Variants in CHST6 observed in about 807,000 individuals in gnomAD.
CHST6 encodes N-acetylglucosamine 6-O-sulfotransferase 5.
For missense variants in CHST6, 698 were observed against 586.2 expected, an observed-to-expected ratio of 1.19 and a Z score of -1.97; for synonymous variants, 309 against 276.4, an observed-to-expected ratio of 1.12 and a Z score of -1.17.
rs374617902 is a variant in CHST6 at position 75,483,462 on chromosome 16, C to T, written c.-91-1571G>A. 8.5e-5 allele frequency among the ~76,000 whole-genome samples: 13 copies of T among 152,316 alleles called. No individual in the cohort carries two copies. The East Asian group carries it at 2.1e-3, about 25-fold the overall frequency. ...CTAGGAAGGTGGTTGAATCATCCTACGCCACAGAGTCTCCAGAAGACCAGT... is the reference window on the plus strand; with the variant it reads ...CTAGGAAGGTGGTTGAATCATCCTATGCCACAGAGTCTCCAGAAGACCAGT... On this transcript the variant is annotated intron_variant, in intron 1 of 2. Coordinates refer to ENST00000332272, the MANE Select transcript of CHST6 (RefSeq NM_021615.5).
intron 1 of CHST6, among the ~76,000 whole-genome samples, chr16:75,492,367 G>C (rs1260590546): frequency 1.3e-5 from 2 of 152,222 alleles, no homozygotes; most frequent in Non-Finnish European, 2.9e-5. Context: ...ACACACACAG[G>C]GTACGGAGTG....
At chr16:75,480,350 G>C (rs1338940594) in intron 2 of CHST6, among the ~76,000 whole-genome samples, 1 of 152,074 alleles carries the variant, frequency 6.6e-6, no homozygotes, top group African/African-American at 2.4e-5. Context: ...ACACTACACT[G>C]ACATACATAG....
At chr16:75,490,873 A>G (rs2080245393) in intron 1 of CHST6, 1 of 152,168 alleles carries the variant, frequency 6.6e-6, no homozygotes, top group Non-Finnish European at 1.5e-5. Context: ...TCAGCTGATG[A>G]ATAGATAAAC....
rs769455712 is a variant in CHST6 at position 75,479,257 on chromosome 16, G to A, written c.572C>T (p.Pro191Leu). Residue 191 changes from proline (P) to leucine (L), a missense_variant, in exon 3 of 3, where the codon CCC becomes CTC. By Grantham distance (98) the Pro-to-Leu change is moderately conservative (BLOSUM62 -3). Transcript: ENST00000332272. Reference sequence around the variant, plus strand: ...GTGCACGATGCGTAGGTTGAGCGCGGGGTCGCTGAGCAGCGGGTAGAGCAC... The same window carrying A: ...GTGCACGATGCGTAGGTTGAGCGCGAGGTCGCTGAGCAGCGGGTAGAGCAC... ...LQVLYPLLSD[P>L]ALNLRIVHLV... 1.1e-5 allele frequency: 18 copies of A among 1,612,434 alleles called. No homozygotes were observed. Among genetic ancestry groups the A allele is most frequent in the Non-Finnish European group, 1.5e-5 (18 of 1,179,774 alleles).
Position 75,475,304 on chromosome 16 carries a change from A to G in CHST6, c.*3337T>C, listed in dbSNP as rs899481463. 1.3e-5 allele frequency: 2 copies of G among 152,274 alleles called. No homozygotes were observed. The highest frequency in any genetic ancestry group is 2.9e-5 in the Non-Finnish European group (2 of 68,066). The allele number at this position is 152,274 out of a possible 1,614,324, so 9.4% of individuals were successfully genotyped here. On this transcript the variant is annotated 3_prime_UTR_variant, in exon 3 of 3. Coordinates refer to ENST00000332272, the MANE Select transcript of CHST6 (RefSeq NM_021615.5). ...CTATGCTTCAAACTGGCTCACAGGA[A>G]GTTGCACTACACTTGTCTACAGGAC...
intron 1 of CHST6, chr16:75,490,473 C>T (rs9931667): frequency 0.22 from 33,001 of 151,742 alleles, 3,820 homozygotes; most frequent in Middle Eastern, 0.32. Context: ...AGTGAAACTC[C>T]GTCTCAAAAA....
chr16:75,484,777 GA>G (rs1257847223), intron 1 of CHST6, among the ~76,000 whole-genome samples: 7 of 152,112 alleles, frequency 4.6e-5, no homozygotes, highest in African/African-American at 1.4e-4. Flanking sequence ...CCGGGAGATG[GA>G]GGTTGCAGTG....
intron 1 of CHST6, among the ~76,000 whole-genome samples, chr16:75,490,960 T>C (rs1323276905): frequency 6.6e-6 from 1 of 151,872 alleles, no homozygotes; most frequent in Non-Finnish European, 1.5e-5. Flanking sequence ...CAAAGTTCAA[T>C]GTGAAAACAC....
rs769668563 is a variant in CHST6, at chr16:75,476,191, G to A, written c.*2450C>T. ...CACAATATGATGGTGTTGGGATGTGGAGCCTTTGGGAGGTGATTAGATAAT... is the reference window on the plus strand; with the variant it reads ...CACAATATGATGGTGTTGGGATGTGAAGCCTTTGGGAGGTGATTAGATAAT... On this transcript the variant is annotated 3_prime_UTR_variant, in exon 3 of 3. Coordinates refer to ENST00000332272, the MANE Select transcript of CHST6 (RefSeq NM_021615.5). 1.5e-4 allele frequency: 23 copies of A among 152,148 alleles called. No homozygotes were observed. The highest frequency in any genetic ancestry group is 5.3e-4 in the African/African-American group (22 of 41,488). 9.4% of individuals were successfully genotyped at this position (152,148 alleles called of 1,614,324 possible). A position where few individuals can be genotyped will look rare whatever the true frequency, so the allele number is the denominator to read the frequency against.
chr16:75,478,796 C>A lies in CHST6; in HGVS notation c.1033G>T (p.Val345Leu). 1.2e-6 allele frequency: 2 copies of A among 1,613,484 alleles called. No homozygotes were observed. The highest frequency in any genetic ancestry group is 8.5e-7 in the Non-Finnish European group (1 of 1,179,992). Reference protein sequence around the residue: ...HALPFAKIRRVQELCAGALQL... With the variant: ...HALPFAKIRRLQELCAGALQL... Reference sequence around the variant, plus strand: ...AGCGCACCAGCGCACAGTTCCTGCACGCGGCGGATCTTGGCAAAGGGCAGC... The same window carrying A: ...AGCGCACCAGCGCACAGTTCCTGCAAGCGGCGGATCTTGGCAAAGGGCAGC... Residue 345 changes from valine (V) to leucine (L), a missense_variant, in exon 3 of 3, where the codon GTG becomes TTG. Val to Leu is a conservative substitution (Grantham distance 32, BLOSUM62 1). Transcript: ENST00000332272.
rs1367061435 is a variant in CHST6, at chr16:75,479,754, C to G, written c.75G>C (p.Leu25=). 6.2e-7 allele frequency: 1 copy of G among 1,601,838 alleles called. No individual in the cohort carries two copies. Among genetic ancestry groups the G allele is most frequent in the African/African-American group, 1.3e-5 (1 of 74,816 alleles). ...LLAQTFLLLF[L]VSRPGPSSPA... is the part of the protein sequence containing the mutation. ...GGGACGAGGGCCCTGGCCGGGAAAC[C>G]AGAAAGAGGAGGAGGAAGGTCTGCG... is the stretch of plus-strand genomic sequence containing the variant. Residue 25 remains leucine (L), a synonymous_variant, in exon 3 of 3, where the codon CTG becomes CTC. Coordinates refer to ENST00000332272, the MANE Select transcript of CHST6 (RefSeq NM_021615.5).
intron 1 of CHST6, among the ~76,000 whole-genome samples, chr16:75,491,950 G>A (rs1440669898): frequency 1.3e-5 from 2 of 152,158 alleles, no homozygotes; most frequent in Admixed American, 6.5e-5. Flanking sequence ...AGGACTGTGG[G>A]CTGGGCCAGG....
Position 75,477,001 on chromosome 16 carries a change from C to A in CHST6, c.*1640G>T, listed in dbSNP as rs1296940755. The A allele has an allele frequency of 2.6e-5, 4 of 152,198 alleles. No homozygotes were observed. Among genetic ancestry groups the A allele is most frequent in the African/African-American group, 9.6e-5 (4 of 41,452 alleles). 9.4% of individuals were successfully genotyped at this position (152,198 alleles called of 1,614,324 possible). A position where few individuals can be genotyped will look rare whatever the true frequency, so the allele number is the denominator to read the frequency against. On this transcript the variant is annotated 3_prime_UTR_variant, in exon 3 of 3. Coordinates refer to ENST00000332272, the MANE Select transcript of CHST6 (RefSeq NM_021615.5). The stretch of plus-strand genomic sequence containing the variant: ...TCAGGTGATTCATCCCCCTCGGCCT[C>A]CCACAGTGCTGGGATTACAGGCATG...
At chr16:75,480,943 A>G (rs1334177572) in intron 2 of CHST6, among the ~76,000 whole-genome samples, 15 of 33,100 alleles carry the variant, frequency 4.5e-4, no homozygotes, top group African/African-American at 5.7e-4. Context: ...AAAAAAAAAA[A>G]AAAGAAAAGA....
At chr16:75,482,667 A>C (rs888492022) in intron 1 of CHST6, among the ~76,000 whole-genome samples, 2 of 152,160 alleles carry the variant, frequency 1.3e-5, no homozygotes, top group African/African-American at 4.8e-5. Context: ...AATGATCTCA[A>C]GGCTGGGTGA....
chr16:75,481,789 A>T (rs1026451374), intron 2 of CHST6, 28 bp downstream of exon 2: 1 of 486,870 alleles, frequency 2.1e-6, no homozygotes, highest in Admixed American at 2.4e-5. Context: ...AGAGCAGAGG[A>T]CTGTCCCGGC....
At chr16:75,484,134 T>C (rs1801384607) in intron 1 of CHST6, among the ~76,000 whole-genome samples, 1 of 151,824 alleles carries the variant, frequency 6.6e-6, no homozygotes. Context: ...GGTCAGGAAT[T>C]TGAGACTAGC....
chr16:75,485,655 G>T (rs2151669830), intron 1 of CHST6, among the ~76,000 whole-genome samples: 1 of 152,200 alleles, frequency 6.6e-6, no homozygotes, highest in South Asian at 2.1e-4. Context: ...GTGAAAAGTA[G>T]AACAAAAAAC....
chr16:75,492,790 A>C (rs1374358512), intron 1 of CHST6, among the ~76,000 whole-genome samples: 1 of 152,144 alleles, frequency 6.6e-6, no homozygotes, highest in Admixed American at 6.5e-5. Flanking sequence ...CCGAAGCTGC[A>C]GTGAGCTGAG....
Sources: gnomAD v4.1 joint callset for allele counts (sites outside exome capture counted in the v4.1 genomes callset) on GRCh38, gnomAD v4.1.1 for gene constraint, MANE v1.5 for transcripts, NCBI Gene and HGNC (gene_info 2026-07-23, HGNC 2026-07-21) for gene names.